Variants in SYN3 observed in about 807,000 individuals in gnomAD.
The protein encoded by SYN3 is synapsin-3.
A neutral mutation model predicts 65.8 loss-of-function variants in SYN3; 35 were observed. The observed-to-expected ratio is 0.53, with a 90% CI of 0.41 to 0.70. The LOEUF is 0.70. Among genes scored for constraint, SYN3 ranks in the 30% least tolerant of loss-of-function variants. The pLI, the probability that SYN3 is intolerant of heterozygous loss-of-function variation, is 0.00. For missense variants in SYN3, 680 were observed against 749.0 expected (o/e 0.91, Z 1.08); for synonymous variants, 270 against 292.9 (o/e 0.92, Z 0.80).
intron 6 of SYN3, among the ~76,000 whole-genome samples, chr22:32,864,369 A>G (rs946680814): frequency 1.3e-5 from 2 of 151,958 alleles, no homozygotes; most frequent in African/African-American, 4.8e-5. Flanking sequence ...CACCTCTTCC[A>G]CCCAGGTATC....
chr22:32,769,666 C>T (rs930903948), intron 6 of SYN3, among the ~76,000 whole-genome samples: 13 of 152,170 alleles, frequency 8.5e-5, no homozygotes, highest in South Asian at 2.1e-4. Flanking sequence ...TACAGGCATG[C>T]GCCACCATGT....
At chr22:32,922,620 G>C (rs1409770297) in intron 4 of SYN3, among the ~76,000 whole-genome samples, 1 of 151,906 alleles carries the variant, frequency 6.6e-6, no homozygotes, top group Non-Finnish European at 1.5e-5. Flanking sequence ...CTTTACCTTG[G>C]CTTCATTCTT....
In SYN3 at chr22:32,687,563, C is replaced by CAAT. The variant is rs2060608209; in HGVS notation, c.712-90830_712-90828dup. The stretch of plus-strand genomic sequence containing the variant: ...CCATTACCTCTTGCCAGGCCCATTG[C>CAAT]AATAGCTTCCTAACTACTCTCTGGT... On this transcript the variant is annotated intron_variant, in intron 6 of 13. Coordinates refer to ENST00000358763, the MANE Select transcript of SYN3 (RefSeq NM_003490.4). Among the ~76,000 whole-genome samples the CAAT allele has an allele frequency of 3.3e-5, 5 of 152,316 alleles. 1 individual carries two copies. The highest frequency in any genetic ancestry group is 1.2e-4 in the African/African-American group (5 of 41,562).
At chr22:32,983,392 G>A (rs1386320898) in intron 2 of SYN3, among the ~76,000 whole-genome samples, 1 of 152,038 alleles carries the variant, frequency 6.6e-6, no homozygotes, top group African/African-American at 2.4e-5. Flanking sequence ...TTCCATTTGT[G>A]AAAGAATCCT....
Position 32,576,770 on chromosome 22 carries a change from G to C in SYN3, c.774+19904C>G, listed in dbSNP as rs527688643. 2.6e-5 allele frequency among the ~76,000 whole-genome samples: 4 copies of C among 151,850 alleles called. No individual in the cohort carries two copies. The South Asian group carries it at 8.4e-4, about 32-fold the overall frequency. On this transcript the variant is annotated intron_variant, in intron 7 of 13. Coordinates refer to ENST00000358763, the MANE Select transcript of SYN3 (RefSeq NM_003490.4). ...CTTATCATCTCTTCTCTGAACTGCCGCAGTTTCTTCCTAATGGGGCCCTAA... is the reference window on the plus strand; with the variant it reads ...CTTATCATCTCTTCTCTGAACTGCCCCAGTTTCTTCCTAATGGGGCCCTAA...
At chr22:32,660,044 T>C (rs1369274681) in intron 6 of SYN3, among the ~76,000 whole-genome samples, 2 of 152,190 alleles carry the variant, frequency 1.3e-5, no homozygotes, top group South Asian at 2.1e-4. Context: ...TGGTGCAAGA[T>C]AGAAAGAACC....
chr22:32,869,167 T>C (rs369361793), intron 4 of SYN3, 42 bp from the exon 5 acceptor site: 1 of 1,593,538 alleles, frequency 6.3e-7, no homozygotes, highest in Non-Finnish European at 8.6e-7. Context: ...GGGACATTGA[T>C]GAAACACCAG....
At chr22:32,912,696 G>A (rs1601680490) in intron 4 of SYN3, among the ~76,000 whole-genome samples, 1 of 150,408 alleles carries the variant, frequency 6.6e-6, no homozygotes, top group Admixed American at 6.7e-5. Flanking sequence ...ATTCTAGACT[G>A]GGCAAAACAG....
At chr22:32,573,757 G>A (rs2058810722) in intron 7 of SYN3, among the ~76,000 whole-genome samples, 1 of 145,944 alleles carries the variant, frequency 6.9e-6, no homozygotes, top group Non-Finnish European at 1.5e-5. Context: ...CACAGGGGAA[G>A]GAAGGGGTTT....
intron 6 of SYN3, among the ~76,000 whole-genome samples, chr22:32,669,236 C>T (rs986402201): frequency 4.6e-5 from 7 of 152,166 alleles, no homozygotes; most frequent in African/African-American, 1.4e-4. Flanking sequence ...GATATCCTGT[C>T]AGGAGATATT....
Position 33,006,408 on chromosome 22 carries a change from C to T in SYN3, c.255G>A (p.Thr85=), listed in dbSNP as rs1180954971. The stretch of plus-strand genomic sequence containing the variant: ...GGATCCTGGGTCTTTGAACAATGGG[C>T]GTGGAGGGACCTGGAGGCTCCATCA... ...SGLMEPPGPS[T]PIVQRPRILL... is the part of the protein sequence containing the mutation. Residue 85 remains threonine (T), a synonymous_variant, in exon 2 of 14, where the codon ACG becomes ACA. Transcript: ENST00000358763. 8.1e-6 allele frequency: 13 copies of T among 1,614,006 alleles called. No homozygotes were observed. In the East Asian group the frequency reaches 1.1e-4, roughly 14 times the overall value.
chr22:32,643,764 G>A (rs564325124), intron 6 of SYN3, among the ~76,000 whole-genome samples: 161 of 152,048 alleles, frequency 1.1e-3, no homozygotes, highest in Admixed American at 1.6e-3. Flanking sequence ...CTATAGGACA[G>A]TTCAGAGCAT....
At chr22:32,572,577 TTC>T (rs957263495) in intron 7 of SYN3, among the ~76,000 whole-genome samples, 2 of 148,214 alleles carry the variant, frequency 1.3e-5, no homozygotes, top group South Asian at 2.2e-4. Flanking sequence ...TTCTCTTCTC[TTC>T]TCTCTCTCTT....
At chr22:32,694,581 T>C (rs1345061867) in intron 6 of SYN3, among the ~76,000 whole-genome samples, 1 of 152,192 alleles carries the variant, frequency 6.6e-6, no homozygotes, top group Non-Finnish European at 1.5e-5. Flanking sequence ...TAGTTCTGCC[T>C]CCACAGCTGA....
At chr22:32,941,468 C>T (rs182369661) in intron 3 of SYN3, among the ~76,000 whole-genome samples, 213 of 152,248 alleles carry the variant, frequency 1.4e-3, no homozygotes, top group Middle Eastern at 0.01. Context: ...TTTCCCGGGC[C>T]GGTTCCAAGA....
intron 7 of SYN3, among the ~76,000 whole-genome samples, chr22:32,580,793 G>C (rs1468585331): frequency 6.6e-6 from 1 of 152,210 alleles, no homozygotes; most frequent in African/African-American, 2.4e-5. Context: ...CAGAGACCAT[G>C]TGCCCTGCAA....
At chr22:32,519,165 T>C (rs1341904918) in intron 12 of SYN3, among the ~76,000 whole-genome samples, 4 of 152,188 alleles carry the variant, frequency 2.6e-5, no homozygotes, top group Non-Finnish European at 5.9e-5. Flanking sequence ...TATGGCATTT[T>C]GTTATCAAGG....
At chr22:32,849,772 T>C (rs983782269) in intron 6 of SYN3, among the ~76,000 whole-genome samples, 2 of 152,128 alleles carry the variant, frequency 1.3e-5, no homozygotes, top group Admixed American at 1.3e-4. Flanking sequence ...AAGGCACTTG[T>C]TAGGAAGCTG....
chr22:32,872,103 C>G (rs2048866198), intron 4 of SYN3, among the ~76,000 whole-genome samples: 1 of 152,110 alleles, frequency 6.6e-6, no homozygotes, highest in African/African-American at 2.4e-5. Flanking sequence ...CTCGTTTTGC[C>G]CTATTTTCTT....
Sources: allele counts gnomAD v4.1 joint callset (sites outside exome capture counted in the v4.1 genomes callset), GRCh38; gene constraint gnomAD v4.1.1; transcripts MANE v1.5; gene names NCBI Gene and HGNC (gene_info 2026-07-23, HGNC 2026-07-21).